The following OBI1 variants were observed in gnomAD, a reference collection of about 807,000 sequenced individuals.
OBI1 encodes the protein ORC ubiquitin ligase 1.
OBI1 carries 59 observed loss-of-function variants against 62.4 expected under a neutral mutation model. The observed-to-expected ratio is 0.95, with a 90% CI of 0.77 to 1.17. The LOEUF (loss-of-function observed/expected upper bound fraction) is 1.17, where lower values mean the gene tolerates loss of function less well. OBI1 is among the 50% of genes most tolerant of loss of function. The probability of loss-of-function intolerance (pLI) is 0.00; values close to 1 mark genes in which losing one functional copy is unlikely to be tolerated. For synonymous variants in OBI1, 302 were observed against 292.8 expected (o/e 1.03, Z -0.32); for missense variants, 875 against 830.9 (o/e 1.05, Z -0.65).
chr13:78,616,167 C>A lies in OBI1; in HGVS notation c.1594G>T (p.Ala532Ser), dbSNP rs1394276473. 17 of 1,614,146 alleles carry A rather than the reference C, an allele frequency of 1.1e-5. No homozygotes were observed. The highest frequency in any genetic ancestry group is 2.2e-5 in the South Asian group (2 of 91,072). Residue 532 changes from alanine (A) to serine (S), a missense_variant, in exon 6 of 6, where the codon GCT (alanine) becomes TCT (serine). Coordinates refer to ENST00000282003, the MANE Select transcript of OBI1 (RefSeq NM_024546.4). The stretch of plus-strand genomic sequence containing the variant: ...TCAGAGATTTTGTCAAGGTAAGCAG[C>A]ATCCATCGATGCTTCACTGGATGTT... ...TRTSSEASMD[A>S]AYLDKISELD...
At chr13:78,631,633 A>G (rs1443552756) in intron 5 of OBI1, among the ~76,000 whole-genome samples, 1 of 152,144 alleles carries the variant, frequency 6.6e-6, no homozygotes, top group Non-Finnish European at 1.5e-5. Flanking sequence ...GAAGCATAAT[A>G]AGGATTCAGA....
chr13:78,639,191 C>A (rs1593795341), intron 3 of OBI1, 120 bp from the exon 4 acceptor site: 1 of 964,210 alleles, frequency 1.0e-6, no homozygotes, highest in East Asian at 2.6e-5. Flanking sequence ...TACATAGATT[C>A]TTTACATATC....
chr13:78,623,720 A>T (rs1466382627), intron 5 of OBI1, among the ~76,000 whole-genome samples: 1 of 152,262 alleles, frequency 6.6e-6, no homozygotes, highest in African/African-American at 2.4e-5. Flanking sequence ...TCAATGAACT[A>T]GGATTCTTGT....
At chr13:78,631,908 T>C (rs546277704) in intron 5 of OBI1, among the ~76,000 whole-genome samples, 9 of 152,302 alleles carry the variant, frequency 5.9e-5, no homozygotes, top group East Asian at 1.9e-4. Context: ...TTTTAAAAGA[T>C]TGTATGTAAA....
rs557281407 is a variant in OBI1 at position 78,639,758 on chromosome 13, C to T, written c.301-687G>A. On this transcript the variant is annotated intron_variant, in intron 3 of 5. Coordinates refer to ENST00000282003, the MANE Select transcript of OBI1 (RefSeq NM_024546.4). Reference sequence around the variant, plus strand: ...ATCGCAAGAACAAAAAACCAAACACCGCATATTCTCATTCATAGGTGGGAA... The same window carrying T: ...ATCGCAAGAACAAAAAACCAAACACTGCATATTCTCATTCATAGGTGGGAA... Among the ~76,000 whole-genome samples the T allele has an allele frequency of 4.1e-5, 6 of 147,524 alleles. No individual in the cohort carries two copies. The South Asian group carries it at 6.6e-4, about 16-fold the overall frequency.
chr13:78,644,811 T>C (rs755421830), intron 2 of OBI1, 51 bp downstream of exon 2: 1 of 1,563,762 alleles, frequency 6.4e-7, no homozygotes, highest in South Asian at 1.1e-5. Flanking sequence ...TATAAATTAT[T>C]TGGAGATTGT....
chr13:78,627,788 T>C (rs1268396994), intron 5 of OBI1, among the ~76,000 whole-genome samples: 5 of 152,236 alleles, frequency 3.3e-5, no homozygotes, highest in Non-Finnish European at 5.9e-5. Flanking sequence ...CTTCCCATTC[T>C]TTATACGACA....
intron 5 of OBI1, among the ~76,000 whole-genome samples, chr13:78,627,028 T>C (rs112862610): frequency 2.0e-5 from 3 of 152,116 alleles, no homozygotes; most frequent in Admixed American, 6.5e-5. Flanking sequence ...ATGGTGCCAC[T>C]GCACTCCAGC....
chr13:78,637,418 A>G (rs1876063296), intron 4 of OBI1, among the ~76,000 whole-genome samples: 1 of 152,260 alleles, frequency 6.6e-6, no homozygotes, highest in Admixed American at 6.5e-5. Flanking sequence ...TTTGACCATT[A>G]AAAGAGCAAA....
intron 5 of OBI1, among the ~76,000 whole-genome samples, chr13:78,624,720 T>A (rs1005010269): frequency 6.6e-6 from 1 of 152,170 alleles, no homozygotes; most frequent in African/African-American, 2.4e-5. Flanking sequence ...CCTTTTGTGG[T>A]AAACCTCTAA....
intron 2 of OBI1, 81 bp downstream of exon 2, chr13:78,644,781 T>A: frequency 6.9e-7 from 1 of 1,444,398 alleles, no homozygotes; most frequent in Non-Finnish European, 9.7e-7. Context: ...GAAAATAGCC[T>A]ATTTCAGTCT....
At chr13:78,625,809 G>A (rs1413330537) in intron 5 of OBI1, among the ~76,000 whole-genome samples, 1 of 152,142 alleles carries the variant, frequency 6.6e-6, no homozygotes, top group Non-Finnish European at 1.5e-5. Flanking sequence ...AGGCATAGCA[G>A]AATCAGTCAT....
intron 5 of OBI1, among the ~76,000 whole-genome samples, chr13:78,620,210 G>C (rs749125763): frequency 6.6e-6 from 1 of 152,182 alleles, no homozygotes; most frequent in Non-Finnish European, 1.5e-5. Context: ...ATAACAATTA[G>C]GGATAAGTAT....
At position 78,642,121 on chromosome 13, in the gene OBI1, C is replaced by T. The variant is rs1418544333; in HGVS notation, c.300+1G>A. The T allele has an allele frequency of 1.3e-6, 2 of 1,556,012 alleles. No homozygotes were observed. The highest frequency in any genetic ancestry group is 1.4e-5 in the African/African-American group (1 of 73,722). The stretch of plus-strand genomic sequence containing the variant: ...AATTTTAAACTTTGATTACTGTTTA[C>T]CTCATATTCTTTGTGTAGTAATTCA... On this transcript the variant is annotated splice_donor_variant, in intron 3 of 5. Coordinates refer to ENST00000282003, the MANE Select transcript of OBI1 (RefSeq NM_024546.4). LOFTEE classifies it high-confidence loss of function.
chr13:78,634,067 C>CAAAAACA (rs1228196802), intron 5 of OBI1, among the ~76,000 whole-genome samples: 31 of 107,232 alleles, frequency 2.9e-4, no homozygotes, highest in South Asian at 1.4e-3. Flanking sequence ...GACTCCGTCT[C>CAAAAACA]AAAAACAAAA....
chr13:78,624,357 C>G (rs1389506767), intron 5 of OBI1, among the ~76,000 whole-genome samples: 1 of 152,202 alleles, frequency 6.6e-6, no homozygotes, highest in Non-Finnish European at 1.5e-5. Context: ...CCTTATCCCT[C>G]CATCTTCTAA....
At chr13:78,657,705 C>G (rs1383492732) in intron 1 of OBI1, among the ~76,000 whole-genome samples, 1 of 152,114 alleles carries the variant, frequency 6.6e-6, no homozygotes, top group South Asian at 2.1e-4. Flanking sequence ...GTACAAAATA[C>G]TTCCCAAGAA....
chr13:78,638,173 T>C lies in OBI1; in HGVS notation c.549+650A>G, dbSNP rs116099867. The stretch of plus-strand genomic sequence containing the variant: ...TGTAGGAGTTGCCTGTAACATCTAG[T>C]GCTGATGGCATGGATCTTATCTCCC... On this transcript the variant is annotated intron_variant, in intron 4 of 5. Transcript: ENST00000282003. 8.9e-3 allele frequency among the ~76,000 whole-genome samples: 1,357 copies of C among 152,286 alleles called. 18 individuals are homozygous for C. Among genetic ancestry groups the C allele is most frequent in the African/African-American group, 0.03 (1,256 of 41,552 alleles).
At chr13:78,653,211 G>GAA (rs1876594953) in intron 1 of OBI1, among the ~76,000 whole-genome samples, 1 of 152,188 alleles carries the variant, frequency 6.6e-6, no homozygotes, top group Admixed American at 6.5e-5. Flanking sequence ...TTGGACTGAA[G>GAA]AAAGTCTTGT....
Sources: allele counts gnomAD v4.1 joint callset (sites outside exome capture counted in the v4.1 genomes callset), GRCh38; gene constraint gnomAD v4.1.1; transcripts MANE v1.5; gene names NCBI Gene and HGNC (gene_info 2026-07-23, HGNC 2026-07-21).